The following STON1 variants were observed in gnomAD, a reference collection of about 807,000 sequenced individuals.
STON1 encodes the protein stonin 1.
Under a neutral mutation model 60.9 loss-of-function variants are expected in STON1, and 79 were observed. That is an observed-to-expected ratio of 1.30 (90% CI 1.08 to 1.56). The LOEUF is 1.56. Among genes scored for constraint, STON1 ranks in the 40% most tolerant of loss-of-function variants. The probability of loss-of-function intolerance (pLI) is 0.00; values close to 1 mark genes in which losing one functional copy is unlikely to be tolerated. For synonymous variants in STON1, 363 were observed against 306.9 expected, an observed-to-expected ratio of 1.18 and a Z score of -1.91; for missense variants, 1,166 against 858.9, an observed-to-expected ratio of 1.36 and a Z score of -4.47.
At chr2:48,531,522 C>A (rs1168137498) in intron 1 of STON1, 5 of 152,056 alleles carry the variant, frequency 3.3e-5, no homozygotes, top group East Asian at 1.9e-4. Context: ...TCTGTGGGCA[C>A]GATGGGGAGC....
At chr2:48,578,007 G>A (rs1457766749) in intron 1 of STON1, among the ~76,000 whole-genome samples, 1 of 150,838 alleles carries the variant, frequency 6.6e-6, no homozygotes, top group East Asian at 2.0e-4. Context: ...TTGAGACGGA[G>A]TTTTGCTCTG....
intron 1 of STON1, among the ~76,000 whole-genome samples, chr2:48,578,883 G>A (rs953289841): frequency 3.3e-5 from 5 of 150,878 alleles, no homozygotes; most frequent in Non-Finnish European, 7.4e-5. Flanking sequence ...GAGCCACTGT[G>A]CCTGGCCTTA....
chr2:48,580,497 T>A (rs976742561), intron 1 of STON1, 90 bp from the exon 2 acceptor site: 1 of 1,214,488 alleles, frequency 8.2e-7, no homozygotes, highest in Non-Finnish European at 1.0e-6. Context: ...ATTATAATTT[T>A]TAAGCATTTA....
At chr2:48,569,956 A>T (rs1427441700) in intron 1 of STON1, among the ~76,000 whole-genome samples, 1 of 152,230 alleles carries the variant, frequency 6.6e-6, no homozygotes, top group African/African-American at 2.4e-5. Context: ...ATCAATTTGT[A>T]ATAATATTTA....
At position 48,581,569 on chromosome 2, in the gene STON1, A is replaced by G; in HGVS notation, c.936A>G (p.Glu312=). The G allele has an allele frequency of 1.2e-6, 2 of 1,614,228 alleles. No homozygotes were observed. Among genetic ancestry groups the G allele is most frequent in the Non-Finnish European group, 1.7e-6 (2 of 1,180,036 alleles). The change falls in exon 2 of 4, where the codon GAA becomes GAG. Residue 312 remains glutamate, a synonymous_variant. Coordinates refer to ENST00000404752, the MANE Select transcript of STON1 (RefSeq NM_006873.4). ...GAGGAATTTTGCAGATGTATTATGAACAGGGATTAGAAAAACCATTTAAAG... is the reference window on the plus strand; with the variant it reads ...GAGGAATTTTGCAGATGTATTATGAGCAGGGATTAGAAAAACCATTTAAAG... ...LPGGILQMYY[E]QGLEKPFKEI... is the part of the protein sequence containing the mutation.
intron 3 of STON1, among the ~76,000 whole-genome samples, chr2:48,594,476 G>T (rs966881764): frequency 4.6e-5 from 7 of 152,150 alleles, no homozygotes; most frequent in Non-Finnish European, 8.8e-5. Context: ...TCCACATGCA[G>T]GGACACAGCA....
intron 1 of STON1, chr2:48,531,016 G>GAGATA (rs1671189249): frequency 6.6e-6 from 1 of 152,190 alleles, no homozygotes; most frequent in African/African-American, 2.4e-5. Flanking sequence ...CATGTAATTA[G>GAGATA]CGTTTCTAAT....
At chr2:48,532,289 C>T (rs1671243240) in intron 1 of STON1, among the ~76,000 whole-genome samples, 1 of 151,760 alleles carries the variant, frequency 6.6e-6, no homozygotes, top group South Asian at 2.1e-4. Context: ...GCGGAGGTTG[C>T]AGTGAGCCGA....
At chr2:48,562,681 T>C (rs1558601284) in intron 1 of STON1, among the ~76,000 whole-genome samples, 1 of 152,208 alleles carries the variant, frequency 6.6e-6, no homozygotes. Context: ...TTCTGCCTTT[T>C]TGGGTTGAGC....
intron 1 of STON1, among the ~76,000 whole-genome samples, chr2:48,543,179 T>C (rs891748504): frequency 2.0e-5 from 3 of 152,180 alleles, no homozygotes; most frequent in African/African-American, 7.2e-5. Flanking sequence ...TTCACCATGT[T>C]GGCCAGGCTG....
At chr2:48,567,977 C>T (rs1673020888) in intron 1 of STON1, among the ~76,000 whole-genome samples, 1 of 152,126 alleles carries the variant, frequency 6.6e-6, no homozygotes, top group African/African-American at 2.4e-5. Context: ...CCAATGGAAC[C>T]GCACAGACAC....
At chr2:48,531,940 T>A (rs541908050) in intron 1 of STON1, 2 of 152,040 alleles carry the variant, frequency 1.3e-5, no homozygotes, top group African/African-American at 4.8e-5. Context: ...AATAAAAGAG[T>A]TTATGTTAAA....
chr2:48,555,203 G>A (rs1430113523), intron 1 of STON1, among the ~76,000 whole-genome samples: 2 of 106,768 alleles, frequency 1.9e-5, no homozygotes, highest in East Asian at 6.2e-4. Flanking sequence ...CCACAAAGCC[G>A]CCATTGTCAT....
chr2:48,577,386 G>C (rs1164935586), intron 1 of STON1, among the ~76,000 whole-genome samples: 2 of 151,902 alleles, frequency 1.3e-5, no homozygotes, highest in East Asian at 2.0e-4. Context: ...TTTGAGACCA[G>C]CCTGACCAAC....
intron 1 of STON1, among the ~76,000 whole-genome samples, chr2:48,538,788 T>A (rs1326274500): frequency 8.3e-5 from 12 of 144,038 alleles, no homozygotes; most frequent in Middle Eastern, 3.6e-3. Flanking sequence ...TTTTTTTTTT[T>A]TATATTTTCT....
At chr2:48,569,127 C>A (rs1404740430) in intron 1 of STON1, 6 of 152,128 alleles carry the variant, frequency 3.9e-5, no homozygotes, top group African/African-American at 1.4e-4. Flanking sequence ...TCCTTTTCTA[C>A]CAAATAATGA....
intron 1 of STON1, among the ~76,000 whole-genome samples, chr2:48,533,471 C>T (rs1441910026): frequency 6.6e-6 from 1 of 150,468 alleles, no homozygotes; most frequent in African/African-American, 2.4e-5. Context: ...GGTGGATCGC[C>T]TGAGGTCAGA....
intron 1 of STON1, among the ~76,000 whole-genome samples, chr2:48,567,461 G>C (rs958866041): frequency 6.6e-6 from 1 of 152,130 alleles, no homozygotes; most frequent in Non-Finnish European, 1.5e-5. Flanking sequence ...ATCCAGGCTG[G>C]AGTGCAATGG....
chr2:48,571,183 C>T (rs1404650279), intron 1 of STON1, among the ~76,000 whole-genome samples: 1 of 152,088 alleles, frequency 6.6e-6, no homozygotes, highest in East Asian at 1.9e-4. Flanking sequence ...GTGGAATTGT[C>T]CTCTAGGAGT....
Sources: gnomAD v4.1 joint callset for allele counts (sites outside exome capture counted in the v4.1 genomes callset) on GRCh38, gnomAD v4.1.1 for gene constraint, MANE v1.5 for transcripts, NCBI Gene and HGNC (gene_info 2026-07-23, HGNC 2026-07-21) for gene names.